The following USP42 variants were observed in gnomAD, a reference collection of about 807,000 sequenced individuals.
USP42 encodes ubiquitin specific peptidase 42, also known as ubiquitin carboxyl-terminal hydrolase 42.
In USP42, 23 loss-of-function variants were observed where a neutral mutation model predicts 113.0. The ratio of observed to expected loss-of-function variants is 0.20; its 90% CI spans 0.15 to 0.29. USP42 has a LOEUF of 0.29. Among genes scored for constraint, USP42 ranks in the 10% least tolerant of loss-of-function variants. The probability of loss-of-function intolerance (pLI) is 1.00; values close to 1 mark genes in which losing one functional copy is unlikely to be tolerated. For synonymous variants in USP42, 933 were observed against 699.0 expected (o/e 1.33, Z -5.28); for missense variants, 2,174 against 1,779.8 (o/e 1.22, Z -3.99).
chr7:6,115,001 T>G (rs1362716565), intron 2 of USP42, among the ~76,000 whole-genome samples: 1 of 152,016 alleles, frequency 6.6e-6, no homozygotes, highest in African/African-American at 2.4e-5. Context: ...TATATATATA[T>G]TTTTTTAAGC....
rs369653181 is a variant in USP42 at position 6,147,807 on chromosome 7, G to C, written c.1301G>C (p.Arg434Pro). 2 of 1,613,296 alleles carry C rather than the reference G, an allele frequency of 1.2e-6. No individual in the cohort carries two copies. Among genetic ancestry groups the C allele is most frequent in the Admixed American group, 3.3e-5 (2 of 59,950 alleles). The change falls in exon 12 of 18, where the codon CGC (arginine) becomes CCC (proline). Residue 434 changes from arginine to proline, a missense_variant. Transcript: ENST00000306177. ...CATAGCCCCGGCCAGTCCTCTCCCC[G>C]CCCCGTCATCAGTCAGCGGGTTGTC... ...PTHSPGQSSP[R>P]PVISQRVVTN... is the part of the protein sequence containing the mutation.
At chr7:6,107,674 G>T (rs1168311946) in intron 1 of USP42, among the ~76,000 whole-genome samples, 1 of 152,054 alleles carries the variant, frequency 6.6e-6, no homozygotes, top group Non-Finnish European at 1.5e-5. Context: ...CTCCCAAAGT[G>T]CTGGGATTAC....
In USP42 at chr7:6,150,498, T is replaced by A. The variant is rs376195442; in HGVS notation, c.2193T>A (p.Asp731Glu). 6.2e-7 allele frequency: 1 copy of A among 1,613,858 alleles called. No individual in the cohort carries two copies. Among genetic ancestry groups the A allele is most frequent in the Non-Finnish European group, 8.5e-7 (1 of 1,179,836 alleles). Reference protein sequence around the residue: ...RLSNKLKGSTDEMSAPGAERG... With the variant: ...RLSNKLKGSTEEMSAPGAERG... ...GCAACAAACTGAAAGGCTCGACGGA[T>A]GAAATGAGGTAACGTAAGAGTACAT... Residue 731 changes from aspartate to glutamate, a missense_variant, in exon 14 of 18, where the codon GAT (aspartate) becomes GAA (glutamate). By Grantham distance (45) the Asp-to-Glu change is conservative. Coordinates refer to ENST00000306177, the MANE Select transcript of USP42 (RefSeq NM_032172.3).
At chr7:6,115,839 C>A (rs1366458772) in intron 3 of USP42, among the ~76,000 whole-genome samples, 1 of 152,122 alleles carries the variant, frequency 6.6e-6, no homozygotes, top group Non-Finnish European at 1.5e-5. Flanking sequence ...GGGCTCACAC[C>A]TGTAATCCCA....
chr7:6,100,809 GGC>G (rs142874577), upstream of USP42, among the ~76,000 whole-genome samples: 61 of 149,748 alleles, frequency 4.1e-4, no homozygotes, highest in East Asian at 0.011. Context: ...TGGGATTATA[GGC>G]GCGCGCTACC....
the USP42 span, chr7:6,085,266 C>A: frequency 2.0e-5 from 3 of 149,802 alleles, no homozygotes; most frequent in East Asian, 5.9e-4. Context: ...ACTACAGGTG[C>A]GCACCACCAT....
intron 9 of USP42, 30 bp downstream of exon 9, chr7:6,144,226 T>C: frequency 6.9e-7 from 1 of 1,455,150 alleles, no homozygotes; most frequent in South Asian, 1.3e-5. Flanking sequence ...AATCATGTTT[T>C]ATGTCGAGCC....
At chr7:6,089,023 A>T in the USP42 span, 1 of 147,866 alleles carries the variant, frequency 6.8e-6, no homozygotes, top group Non-Finnish European at 1.5e-5. Context: ...TTTCTTTTCT[A>T]TATTTATTTA....
At chr7:6,084,107 A>G in the USP42 span, among the ~76,000 whole-genome samples, 1 of 150,902 alleles carries the variant, frequency 6.6e-6, no homozygotes, top group African/African-American at 2.5e-5. Flanking sequence ...GCTCACTGCA[A>G]CCTCCGCCTC....
chr7:6,123,832 C>CAAAA (rs34032326), intron 3 of USP42, among the ~76,000 whole-genome samples: 1 of 72,752 alleles, frequency 1.4e-5, no homozygotes, highest in African/African-American at 4.1e-5. Context: ...GACCCTGTCT[C>CAAAA]AAAAAAAAAA....
intron 3 of USP42, among the ~76,000 whole-genome samples, chr7:6,127,210 T>C (rs1780589843): frequency 6.6e-6 from 1 of 152,216 alleles, no homozygotes; most frequent in African/African-American, 2.4e-5. Context: ...TGAGGATATG[T>C]GGTTTCCAAA....
Position 6,153,789 on chromosome 7 carries a change from C to T in USP42, c.2235C>T (p.Asp745=). 1 of 1,501,466 alleles carries T rather than the reference C, an allele frequency of 6.7e-7. No homozygotes were observed. The highest frequency in any genetic ancestry group is 2.5e-5 in the East Asian group (1 of 39,694). The allele number at this position is 1,501,466 out of a possible 1,614,324, so 93.0% of individuals were successfully genotyped here. A position where few individuals can be genotyped will look rare whatever the true frequency, so the allele number is the denominator to read the frequency against. Residue 745 remains aspartate (D), a synonymous_variant, in exon 15 of 18, where the codon GAC becomes GAT. Transcript: ENST00000306177. The stretch of plus-strand genomic sequence containing the variant: ...GAGCAGAGAGGGGCCCTCCCGAGGA[C>T]CGCGACGCCGAGCCTCAGCCTGGCA... The part of the protein sequence containing the change: ...APGAERGPPE[D]RDAEPQPGSP...
intron 15 of USP42, 43 bp downstream of exon 15, chr7:6,155,238 G>A (rs1583694856): frequency 5.4e-6 from 8 of 1,483,386 alleles, no homozygotes; most frequent in East Asian, 4.9e-5. Flanking sequence ...TGGCGCTGCT[G>A]TCAGCAGTGG....
At chr7:6,141,890 T>C (rs12667826) in intron 7 of USP42, among the ~76,000 whole-genome samples, 68,952 of 152,130 alleles carry the variant, frequency 0.45, 19,291 homozygotes, top group African/African-American at 0.77. Context: ...TGCTCCAGAA[T>C]GTATTGTTCA....
chr7:6,154,780 C>G lies in USP42; in HGVS notation c.3226C>G (p.Pro1076Ala), dbSNP rs756462522. 191 of 1,551,496 alleles carry G rather than the reference C, an allele frequency of 1.2e-4. No homozygotes were observed. Among genetic ancestry groups the G allele is most frequent in the Middle Eastern group, 3.3e-4 (2 of 5,996 alleles). ...CCTGTACGCTGCCCGGGACTGGAAG[C>G]CCTTCCACGGCGGCCGCGAGCACGA... ...YALYAARDWK[P>A]FHGGREHERA... The change falls in exon 15 of 18, where the codon CCC (proline) becomes GCC (alanine). Residue 1076 changes from proline (P) to alanine (A), a missense_variant. Pro to Ala is a conservative substitution (Grantham distance 27). Coordinates refer to ENST00000306177, the MANE Select transcript of USP42 (RefSeq NM_032172.3).
At chr7:6,143,163 G>A in intron 8 of USP42, 149 bp downstream of exon 8, 1 of 745,882 alleles carries the variant, frequency 1.3e-6, no homozygotes, top group Non-Finnish European at 2.3e-6. Flanking sequence ...CCAAAGGCGA[G>A]AGCCCGGAGT....
intron 4 of USP42, among the ~76,000 whole-genome samples, chr7:6,138,064 G>A (rs1781244322): frequency 6.6e-6 from 1 of 151,984 alleles, no homozygotes; most frequent in Middle Eastern, 3.4e-3. Flanking sequence ...TCATTGCTCT[G>A]TGTGTGTGTG....
Position 6,148,004 on chromosome 7 carries a change from T to C in USP42, c.1386+112T>C. ...TGTCCTCAAATACATCTGAATTTCT[T>C]CTCACAGTTTAATCAAACCCTCTTA... On this transcript the variant is annotated intron_variant, in intron 12 of 17. Coordinates refer to ENST00000306177, the MANE Select transcript of USP42 (RefSeq NM_032172.3). The C allele has an allele frequency of 1.7e-6, 2 of 1,170,562 alleles. 1 individual carries two copies. The highest frequency in any genetic ancestry group is 3.1e-5 in the African/African-American group (2 of 65,412). The allele number at this position is 1,170,562 out of a possible 1,614,324, so 72.5% of individuals were successfully genotyped here.
At chr7:6,132,603 C>T (rs554820382) in intron 3 of USP42, among the ~76,000 whole-genome samples, 2 of 152,224 alleles carry the variant, frequency 1.3e-5, no homozygotes, top group African/African-American at 2.4e-5. Flanking sequence ...AAGTGATCTA[C>T]CCGCCTCAGC....
Sources: allele counts gnomAD v4.1 joint callset (sites outside exome capture counted in the v4.1 genomes callset), GRCh38; gene constraint gnomAD v4.1.1; transcripts MANE v1.5; gene names NCBI Gene and HGNC (gene_info 2026-07-23, HGNC 2026-07-21).